The following SYTL5 variants were observed in gnomAD, a reference collection of about 807,000 sequenced individuals.
The protein encoded by SYTL5 is synaptotagmin like 5.
Under a neutral mutation model 55.9 loss-of-function variants are expected in SYTL5, and 34 were observed. That is an observed-to-expected ratio of 0.61 (90% CI 0.46 to 0.81). The LOEUF is 0.81. SYTL5 is among the 30% of genes least tolerant of loss of function. SYTL5 has a pLI of 0.00. For missense variants in SYTL5, 637 were observed against 546.7 expected (o/e 1.17, Z -1.65); for synonymous variants, 221 against 188.7 (o/e 1.17, Z -1.40).
chrX:38,072,956 T>C (rs191054531), intron 4 of SYTL5, among the ~76,000 whole-genome samples: 92 of 111,935 alleles, frequency 8.2e-4, no homozygotes, highest in Non-Finnish European at 1.4e-3. Flanking sequence ...CCCTTGTATT[T>C]AAGTCTGGCA....
chrX:38,069,586 A>G (rs1348101558), intron 3 of SYTL5, among the ~76,000 whole-genome samples: 1 of 111,743 alleles, frequency 8.9e-6, no homozygotes, highest in African/African-American at 3.2e-5. Context: ...TCTTTCTCAT[A>G]TTTGCAATCT....
In SYTL5 at chrX:38,006,631, A is replaced by T. The variant is rs1179184565; in HGVS notation, c.-394A>T. 9.0e-6 allele frequency: 1 copy of T among 111,554 alleles called. No homozygotes were observed. The highest frequency in any genetic ancestry group is 1.9e-5 in the Non-Finnish European group (1 of 52,934). 9.2% of individuals were successfully genotyped at this position (111,554 alleles called of 1,213,427 possible). ...TCTACAGTTTGTGTGTTTGAGAGAA[A>T]AATAAGCCCATAAAAACATTCTAAC... On this transcript the variant is annotated 5_prime_UTR_variant, in exon 1 of 17. Coordinates refer to ENST00000297875, the MANE Select transcript of SYTL5 (RefSeq NM_138780.3).
the SYTL5 span, among the ~76,000 whole-genome samples, chrX:37,996,134 T>C: frequency 1.4e-4 from 16 of 111,918 alleles, no homozygotes; most frequent in South Asian, 7.6e-4. Flanking sequence ...TCAAGGGGCA[T>C]GGGAGAGTCA....
the SYTL5 span, among the ~76,000 whole-genome samples, chrX:37,983,712 A>G: frequency 8.9e-6 from 1 of 112,185 alleles, no homozygotes; most frequent in Non-Finnish European, 1.9e-5. Flanking sequence ...TGCACACACA[A>G]CATTCTGAAT....
chrX:38,112,991 C>G (rs1475650419), intron 13 of SYTL5, among the ~76,000 whole-genome samples: 1 of 112,252 alleles, frequency 8.9e-6, no homozygotes. Context: ...TACTTCTGCA[C>G]TAGGAGTTCC....
At chrX:38,077,924 T>C (rs866645956) in intron 6 of SYTL5, among the ~76,000 whole-genome samples, 6 of 111,879 alleles carry the variant, frequency 5.4e-5, no homozygotes, top group African/African-American at 1.6e-4. Flanking sequence ...TCCCAATGCT[T>C]TAGAAGGCTA....
chrX:38,002,125 T>C (rs868341928), upstream of SYTL5, among the ~76,000 whole-genome samples: 6 of 110,849 alleles, frequency 5.4e-5, no homozygotes, highest in Middle Eastern at 4.7e-3. Context: ...GTTTGGTTTT[T>C]TGTCCTTGCA....
the SYTL5 span, among the ~76,000 whole-genome samples, chrX:38,000,991 G>A: frequency 1.4e-3 from 156 of 111,220 alleles, 1 homozygote; most frequent in Non-Finnish European, 2.1e-3. Flanking sequence ...TGCCCGCGAA[G>A]ATCTTGGGGT....
intron 1 of SYTL5, among the ~76,000 whole-genome samples, chrX:38,014,826 T>C (rs138307382): frequency 1.1e-3 from 126 of 112,429 alleles, no homozygotes; most frequent in Non-Finnish European, 2.2e-3. Context: ...AGATACACAT[T>C]TGTCTTCTGT....
In SYTL5 at chrX:38,128,554, C is replaced by A. The variant is rs1201386167; in HGVS notation, c.*1824C>A. On this transcript the variant is annotated 3_prime_UTR_variant, in exon 17 of 17. Transcript: ENST00000297875. ...CTAGTTGTTCCATATTTCTAGATTT[C>A]ATCTTGAATTTTGAAAACTGATTTA... is the stretch of plus-strand genomic sequence containing the variant. 1 of 111,563 alleles carries A rather than the reference C, an allele frequency of 9.0e-6. No individual in the cohort carries two copies. Among genetic ancestry groups the A allele is most frequent in the Non-Finnish European group, 1.9e-5 (1 of 53,105 alleles). 9.2% of individuals were successfully genotyped at this position (111,563 alleles called of 1,213,427 possible). A position where few individuals can be genotyped will look rare whatever the true frequency, so the allele number is the denominator to read the frequency against.
At chrX:37,933,268 G>A in the SYTL5 span, among the ~76,000 whole-genome samples, 1 of 111,320 alleles carries the variant, frequency 9.0e-6, no homozygotes, top group Non-Finnish European at 1.9e-5. Context: ...CGCTAATCTG[G>A]GGAGCATTTA....
At chrX:38,044,034 G>A (rs1935385133) in intron 2 of SYTL5, among the ~76,000 whole-genome samples, 1 of 110,435 alleles carries the variant, frequency 9.1e-6, no homozygotes, top group African/African-American at 3.3e-5. Flanking sequence ...TTAAGACCAT[G>A]CATCTTGTGA....
chrX:38,094,533 T>C (rs1382109541), intron 8 of SYTL5, 109 bp downstream of exon 8: 11 of 882,615 alleles, frequency 1.2e-5, no homozygotes, highest in South Asian at 6.4e-5. Context: ...AAAATAAGCA[T>C]TCCCTTCTTT....
the SYTL5 span, among the ~76,000 whole-genome samples, chrX:37,921,236 G>T: frequency 8.9e-6 from 1 of 111,862 alleles, no homozygotes; most frequent in Non-Finnish European, 1.9e-5. Context: ...GAGGAGCCAA[G>T]ATTCAAACCA....
chrX:37,980,923 G>A, the SYTL5 span, among the ~76,000 whole-genome samples: 1 of 112,179 alleles, frequency 8.9e-6, no homozygotes, highest in African/African-American at 3.2e-5. Flanking sequence ...AGAGAGGCAA[G>A]CTGAGAAGAA....
the SYTL5 span, among the ~76,000 whole-genome samples, chrX:37,993,242 A>G: frequency 8.9e-6 from 1 of 112,297 alleles, no homozygotes; most frequent in African/African-American, 3.2e-5. Flanking sequence ...TCAATGAACA[A>G]CAACAACAAC....
upstream of SYTL5, among the ~76,000 whole-genome samples, chrX:38,002,225 A>T (rs1933876422): frequency 8.9e-6 from 1 of 112,103 alleles, no homozygotes; most frequent in South Asian, 3.7e-4. Context: ...ATAGTATTCC[A>T]TGGTGTATAT....
chrX:38,118,318 G>C (rs888343948), intron 13 of SYTL5, among the ~76,000 whole-genome samples: 2 of 111,960 alleles, frequency 1.8e-5, no homozygotes, highest in Non-Finnish European at 3.8e-5. Flanking sequence ...CCTTTTCTTT[G>C]TAACAGTCTC....
the SYTL5 span, among the ~76,000 whole-genome samples, chrX:37,955,047 C>A: frequency 2.7e-5 from 3 of 110,733 alleles, no homozygotes; most frequent in Non-Finnish European, 5.7e-5. Context: ...AACACTGGAT[C>A]TTTTTACCAC....
Sources: gnomAD v4.1 joint callset for allele counts (sites outside exome capture counted in the v4.1 genomes callset) on GRCh38, gnomAD v4.1.1 for gene constraint, MANE v1.5 for transcripts, NCBI Gene and HGNC (gene_info 2026-07-23, HGNC 2026-07-21) for gene names.